Variants in DNAH12 observed in about 807,000 individuals in gnomAD.
The protein encoded by DNAH12 is dynein axonemal heavy chain 12, also known as axonemal beta dynein heavy chain 12.
In DNAH12, 285 loss-of-function variants were observed where a neutral mutation model predicts 371.5. The observed-to-expected ratio is 0.77, with a 90% CI of 0.70 to 0.85. The LOEUF (loss-of-function observed/expected upper bound fraction) is 0.85. Among genes scored for constraint, DNAH12 ranks in the 40% least tolerant of loss-of-function variants. DNAH12 has a pLI of 0.00. For synonymous variants in DNAH12, 1,200 were observed against 1,213.0 expected, an observed-to-expected ratio of 0.99 and a Z score of 0.22; for missense variants, 3,611 against 3,689.4, an observed-to-expected ratio of 0.98 and a Z score of 0.55.
rs764948233 is a variant in DNAH12 at position 57,437,012 on chromosome 3, G to T, written c.4594C>A (p.Pro1532Thr). The stretch of plus-strand genomic sequence containing the variant: ...ATTTTTTCAAGAAAAAATTTAACAG[G>T]CTGAAGATTATGTACATTGCAGGCT... The part of the protein sequence containing the change: ...HEACNVHNLQ[P>T]VKFFLEKIIQ... Residue 1532 changes from proline to threonine, a missense_variant, in exon 30 of 74, where the codon CCT becomes ACT. Pro to Thr is a conservative substitution (Grantham distance 38, BLOSUM62 -1). Coordinates refer to ENST00000495027, the MANE Select transcript of DNAH12 (RefSeq NM_001366028.2). 1 of 1,509,522 alleles carries T rather than the reference G, an allele frequency of 6.6e-7. No individual in the cohort carries two copies. The highest frequency in any genetic ancestry group is 1.4e-5 in the South Asian group (1 of 73,822). 93.5% of individuals were successfully genotyped at this position (1,509,522 alleles called of 1,614,324 possible). A position where few individuals can be genotyped will look rare whatever the true frequency, so the allele number is the denominator to read the frequency against.
At chr3:57,488,937 A>AGTGTGTGT (rs34379970) in intron 12 of DNAH12, among the ~76,000 whole-genome samples, 3,314 of 150,108 alleles carry the variant, frequency 0.022, 56 homozygotes, top group Non-Finnish European at 0.038. Flanking sequence ...AGAAATCCAA[A>AGTGTGTGT]GTGTGTGTGT....
intron 62 of DNAH12, among the ~76,000 whole-genome samples, chr3:57,326,606 T>C (rs948844096): frequency 1.3e-5 from 2 of 152,162 alleles, no homozygotes; most frequent in African/African-American, 4.8e-5. Context: ...TGCAAAATCA[T>C]GCCAAAATGT....
intron 58 of DNAH12, among the ~76,000 whole-genome samples, 199 bp downstream of exon 58, chr3:57,363,395 G>C (rs1196029174): frequency 3.3e-5 from 5 of 152,004 alleles, no homozygotes; most frequent in African/African-American, 1.2e-4. Flanking sequence ...ATATAGATCA[G>C]ACCAGGTTTT....
chr3:57,507,467 A>T (rs1559732958), intron 8 of DNAH12, among the ~76,000 whole-genome samples, 176 bp downstream of exon 8: 1 of 152,190 alleles, frequency 6.6e-6, no homozygotes, highest in African/African-American at 2.4e-5. Context: ...ATTTCCTTTC[A>T]TTTTAGATAG....
At chr3:57,448,928 T>A (rs1361727367) in intron 25 of DNAH12, among the ~76,000 whole-genome samples, 2 of 106,858 alleles carry the variant, frequency 1.9e-5, no homozygotes, top group Non-Finnish European at 3.8e-5. Context: ...AGAGTGCCGA[T>A]TGGTGTATTT....
chr3:57,463,561 A>G (rs927168773), intron 17 of DNAH12, among the ~76,000 whole-genome samples: 1 of 151,856 alleles, frequency 6.6e-6, no homozygotes, highest in African/African-American at 2.4e-5. Flanking sequence ...AATATTGTAA[A>G]TTTTTTTAAT....
At chr3:57,343,816 G>T (rs1575481101) in intron 60 of DNAH12, among the ~76,000 whole-genome samples, 2 of 152,188 alleles carry the variant, frequency 1.3e-5, no homozygotes, top group East Asian at 3.8e-4. Context: ...AGACATGTTT[G>T]CAGCAATGCT....
chr3:57,541,552 A>G (rs1425702757), intron 2 of DNAH12, among the ~76,000 whole-genome samples: 1 of 150,810 alleles, frequency 6.6e-6, no homozygotes, highest in African/African-American at 2.4e-5. Context: ...TTTTATAGCG[A>G]TGAGGGTCTC....
At chr3:57,553,973 C>T in the DNAH12 span, among the ~76,000 whole-genome samples, 2 of 151,504 alleles carry the variant, frequency 1.3e-5, no homozygotes, top group African/African-American at 4.9e-5. Flanking sequence ...TACAGGCGAA[C>T]ACCACTGCGC....
chr3:57,319,410 G>A (rs984744943), intron 65 of DNAH12, among the ~76,000 whole-genome samples: 2 of 152,092 alleles, frequency 1.3e-5, no homozygotes, highest in Non-Finnish European at 2.9e-5. Context: ...AGTCTATGTT[G>A]AACAGAAGTA....
At position 57,363,766 on chromosome 3, in the gene DNAH12, C is replaced by T. The variant is rs1217149986; in HGVS notation, c.9188G>A (p.Arg3063Gln). ...AKERPELEEERNALILQSAAN... is the reference protein window; with the variant it reads ...AKERPELEEEQNALILQSAAN... ...TGCAGACTGAAGAATCAGGGCATTT[C>T]GTTCCTCTTCTAATTCTGGTCTAAA... Residue 3063 changes from arginine (R) to glutamine (Q), a missense_variant, in exon 58 of 74, where the codon CGA becomes CAA. Transcript: ENST00000495027. 2.0e-5 allele frequency: 3 copies of T among 152,068 alleles called. No individual in the cohort carries two copies. Among genetic ancestry groups the T allele is most frequent in the Non-Finnish European group, 4.4e-5 (3 of 67,978 alleles). The allele number at this position is 152,068 out of a possible 1,614,324, so 9.4% of individuals were successfully genotyped here. A position where few individuals can be genotyped will look rare whatever the true frequency, so the allele number is the denominator to read the frequency against.
chr3:57,413,354 T>A (rs1428807286), intron 39 of DNAH12, among the ~76,000 whole-genome samples: 4 of 152,166 alleles, frequency 2.6e-5, no homozygotes, highest in Non-Finnish European at 4.4e-5. Context: ...TGTATGATAT[T>A]ATAATGATGG....
At chr3:57,432,619 C>A (rs2064991188) in intron 32 of DNAH12, among the ~76,000 whole-genome samples, 1 of 151,944 alleles carries the variant, frequency 6.6e-6, no homozygotes, top group Non-Finnish European at 1.5e-5. Context: ...CAAAACTGAA[C>A]TACAGTAATA....
At chr3:57,394,593 A>C (rs2153348440) in intron 43 of DNAH12, among the ~76,000 whole-genome samples, 1 of 152,296 alleles carries the variant, frequency 6.6e-6, no homozygotes, top group African/African-American at 2.4e-5. Flanking sequence ...GCCCAATCAT[A>C]GTCTTACTTC....
At chr3:57,402,274 G>T (rs2063894710) in intron 43 of DNAH12, 3 of 679,914 alleles carry the variant, frequency 4.4e-6, no homozygotes, top group African/African-American at 2.0e-5. Flanking sequence ...GTTTGTGAAA[G>T]GTCAGTGAAA....
upstream of DNAH12, among the ~76,000 whole-genome samples, chr3:57,544,901 TA>T (rs1395963506): frequency 1.3e-5 from 2 of 152,150 alleles, no homozygotes; most frequent in African/African-American, 4.8e-5. Flanking sequence ...GTGCCAAAAT[TA>T]AATTAGGGAA....
chr3:57,312,052 T>C (rs561255169), intron 66 of DNAH12, among the ~76,000 whole-genome samples: 37 of 152,286 alleles, frequency 2.4e-4, no homozygotes, highest in African/African-American at 8.9e-4. Flanking sequence ...GAATTTTTGA[T>C]AGTATGTGTA....
intron 30 of DNAH12, among the ~76,000 whole-genome samples, chr3:57,435,217 C>A (rs1387674903): frequency 6.6e-6 from 1 of 151,614 alleles, no homozygotes; most frequent in African/African-American, 2.4e-5. Flanking sequence ...ACTAAAAATA[C>A]CAAAATTAGC....
chr3:57,524,559 C>A (rs1458033274), intron 2 of DNAH12, among the ~76,000 whole-genome samples: 1 of 151,532 alleles, frequency 6.6e-6, no homozygotes, highest in Non-Finnish European at 1.5e-5. Context: ...TAAAATATAA[C>A]AACAAATCTC....
Sources: gnomAD v4.1 joint callset for allele counts (sites outside exome capture counted in the v4.1 genomes callset) on GRCh38, gnomAD v4.1.1 for gene constraint, MANE v1.5 for transcripts, NCBI Gene and HGNC (gene_info 2026-07-23, HGNC 2026-07-21) for gene names.